BTRC: variants seen among roughly 807,000 people sequenced by gnomAD.
The protein encoded by BTRC is F-box/WD repeat-containing protein 1A.
Under a neutral mutation model 85.5 loss-of-function variants are expected in BTRC, and 42 were observed. That is an observed-to-expected ratio of 0.49 (90% CI 0.38 to 0.64). The LOEUF (loss-of-function observed/expected upper bound fraction) is 0.64, where lower values mean the gene tolerates loss of function less well. Among genes scored for constraint, BTRC ranks in the 30% least tolerant of loss-of-function variants. The probability of loss-of-function intolerance (pLI) is 0.00; values close to 1 mark genes in which losing one functional copy is unlikely to be tolerated. For missense variants in BTRC, 594 were observed against 743.5 expected (o/e 0.80, Z 2.34); for synonymous variants, 255 against 263.3 (o/e 0.97, Z 0.30).
rs952640901 is a variant in BTRC at position 101,396,394 on chromosome 10, T to G, written c.49-33951T>G. On this transcript the variant is annotated intron_variant, in intron 1 of 14. Transcript: ENST00000370187. The stretch of plus-strand genomic sequence containing the variant: ...TTCTGCCACTATGCGAAAACTTGAA[T>G]GGGAGGTGAAGATTTTTTTTTTTTT... Among the ~76,000 whole-genome samples, 4 of 151,112 alleles carry G rather than the reference T, an allele frequency of 2.6e-5. 1 individual carries two copies. The South Asian group carries it at 6.3e-4, about 24-fold the overall frequency.
chr10:101,511,368 C>A (rs866921226), intron 4 of BTRC, among the ~76,000 whole-genome samples: 1 of 152,140 alleles, frequency 6.6e-6, no homozygotes, highest in African/African-American at 2.4e-5. Context: ...AGAGGCATTT[C>A]TTGACCACTC....
intron 1 of BTRC, among the ~76,000 whole-genome samples, chr10:101,399,613 G>GTT (rs1176674263): frequency 3.3e-5 from 5 of 152,152 alleles, no homozygotes; most frequent in Non-Finnish European, 7.4e-5. Context: ...CCTAACAGAA[G>GTT]TTTTTAAAGC....
intron 4 of BTRC, among the ~76,000 whole-genome samples, chr10:101,500,858 A>C (rs1490515329): frequency 2.6e-5 from 4 of 152,244 alleles, no homozygotes; most frequent in African/African-American, 9.6e-5. Context: ...TTGGGGTTAT[A>C]GAATATCTTG....
chr10:101,547,014 G>A (rs1353792164), intron 13 of BTRC, among the ~76,000 whole-genome samples: 1 of 152,152 alleles, frequency 6.6e-6, no homozygotes, highest in East Asian at 1.9e-4. Context: ...ACTCATCTAT[G>A]AAGCATTACC....
intron 3 of BTRC, among the ~76,000 whole-genome samples, chr10:101,477,259 C>G (rs773579568): frequency 2.0e-5 from 3 of 152,064 alleles, no homozygotes; most frequent in African/African-American, 4.8e-5. Context: ...CCTTCGCCCC[C>G]CAAAGTGCTG....
At chr10:101,433,529 G>A in intron 2 of BTRC, among the ~76,000 whole-genome samples, 1 of 152,146 alleles carries the variant, frequency 6.6e-6, no homozygotes, top group East Asian at 1.9e-4. Context: ...TCAGTGCAAA[G>A]GCCCCAAGAG....
At chr10:101,394,215 C>A (rs969175718) in intron 1 of BTRC, among the ~76,000 whole-genome samples, 33 of 152,006 alleles carry the variant, frequency 2.2e-4, no homozygotes, top group African/African-American at 7.5e-4. Context: ...ATAATGTATT[C>A]TTTCAATTTG....
intron 3 of BTRC, among the ~76,000 whole-genome samples, chr10:101,477,107 G>A (rs1319671504): frequency 1.3e-5 from 2 of 152,120 alleles, no homozygotes; most frequent in African/African-American, 4.8e-5. Flanking sequence ...CTCCCGAGTA[G>A]CTGGGATTAC....
chr10:101,512,104 A>G (rs990164038), intron 4 of BTRC, among the ~76,000 whole-genome samples: 1 of 152,242 alleles, frequency 6.6e-6, no homozygotes, highest in Non-Finnish European at 1.5e-5. Flanking sequence ...ATTACCTGGT[A>G]AAGTGCCCAG....
intron 2 of BTRC, among the ~76,000 whole-genome samples, chr10:101,441,943 A>G (rs978509426): frequency 1.3e-5 from 2 of 151,662 alleles, no homozygotes; most frequent in African/African-American, 2.4e-5. Flanking sequence ...CTTGTTTTGA[A>G]CACAATTTAA....
chr10:101,507,301 G>A lies in BTRC; in HGVS notation c.325-14338G>A, dbSNP rs755505539. ...GCCTGCAAAGAAACATAAACACAGCGCTCATTTCTGGCAGGTTTTTACTGT... is the reference window on the plus strand; with the variant it reads ...GCCTGCAAAGAAACATAAACACAGCACTCATTTCTGGCAGGTTTTTACTGT... On this transcript the variant is annotated intron_variant, in intron 4 of 14. Transcript: ENST00000370187. Among the ~76,000 whole-genome samples, 5 of 152,144 alleles carry A rather than the reference G, an allele frequency of 3.3e-5. 1 individual carries two copies. The highest frequency in any genetic ancestry group is 2.6e-4 in the Admixed American group (4 of 15,282).
At chr10:101,482,759 G>A (rs1945874777) in intron 4 of BTRC, among the ~76,000 whole-genome samples, 1 of 152,040 alleles carries the variant, frequency 6.6e-6, no homozygotes, top group South Asian at 2.1e-4. Context: ...ATTTTTGTTG[G>A]TCTGCAAGCT....
At chr10:101,396,804 ATTT>A (rs767729747) in intron 1 of BTRC, among the ~76,000 whole-genome samples, 1 of 139,708 alleles carries the variant, frequency 7.2e-6, no homozygotes, top group African/African-American at 2.6e-5. Context: ...TCTCCAAAAG[ATTT>A]TTTTTTTTTT....
chr10:101,524,871 T>C (rs1168488667), intron 5 of BTRC, among the ~76,000 whole-genome samples: 1 of 152,222 alleles, frequency 6.6e-6, no homozygotes, highest in Non-Finnish European at 1.5e-5. Context: ...CATTTAATGC[T>C]TTCTTTCTCA....
intron 3 of BTRC, among the ~76,000 whole-genome samples, chr10:101,471,578 T>G (rs936127039): frequency 6.6e-6 from 1 of 152,172 alleles, no homozygotes; most frequent in South Asian, 2.1e-4. Flanking sequence ...ATCAGAGTTA[T>G]GCTGGTCTTA....
intron 5 of BTRC, among the ~76,000 whole-genome samples, chr10:101,524,565 G>A (rs1374009892): frequency 1.3e-5 from 2 of 152,094 alleles, no homozygotes; most frequent in Non-Finnish European, 2.9e-5. Flanking sequence ...TTAATGTAAT[G>A]GGTTTGTTTG....
intron 2 of BTRC, among the ~76,000 whole-genome samples, chr10:101,457,956 A>G (rs1466770029): frequency 6.6e-6 from 1 of 152,202 alleles, no homozygotes; most frequent in Non-Finnish European, 1.5e-5. Flanking sequence ...ATCTGCTTAT[A>G]AATACATATA....
At chr10:101,411,941 T>C (rs111381527) in intron 1 of BTRC, among the ~76,000 whole-genome samples, 29 of 152,350 alleles carry the variant, frequency 1.9e-4, no homozygotes, top group African/African-American at 6.7e-4. Context: ...AGCTTTATTC[T>C]GATAGTTTTA....
At chr10:101,415,486 TTTATGTTATGTTATG>T (rs1191532968) in intron 1 of BTRC, among the ~76,000 whole-genome samples, 232 of 17,086 alleles carry the variant, frequency 0.014, 13 homozygotes, top group African/African-American at 0.027. Context: ...TTTATTTTAT[TTTATGTTATGTTATG>T]TTATGTTATG....
Sources: gnomAD v4.1 joint callset for allele counts (sites outside exome capture counted in the v4.1 genomes callset) on GRCh38, gnomAD v4.1.1 for gene constraint, MANE v1.5 for transcripts, NCBI Gene and HGNC (gene_info 2026-07-23, HGNC 2026-07-21) for gene names.